The following AOX1 variants were observed in gnomAD, a reference collection of about 807,000 sequenced individuals.
AOX1 encodes aldehyde oxidase.
In AOX1, 153 loss-of-function variants were observed where a neutral mutation model predicts 169.5. The ratio of observed to expected loss-of-function variants is 0.90; its 90% confidence interval spans 0.79 to 1.03. The LOEUF (loss-of-function observed/expected upper bound fraction) is 1.03. AOX1 is among the 50% of genes least tolerant of loss of function. The probability of loss-of-function intolerance (pLI) is 0.00; values close to 1 mark genes in which losing one functional copy is unlikely to be tolerated. For synonymous variants in AOX1, 562 were observed against 581.9 expected, an observed-to-expected ratio of 0.97 and a Z score of 0.49; for missense variants, 1,656 against 1,663.9, an observed-to-expected ratio of 1.00 and a Z score of 0.08.
At chr2:200,629,661 G>A (rs1217881544) in intron 20 of AOX1, among the ~76,000 whole-genome samples, 4 of 152,170 alleles carry the variant, frequency 2.6e-5, no homozygotes, top group South Asian at 4.1e-4. Flanking sequence ...TGATTTATGG[G>A]AATGAAGAGA....
chr2:200,657,307 A>G (rs1009713099), intron 27 of AOX1, among the ~76,000 whole-genome samples: 2 of 149,974 alleles, frequency 1.3e-5, no homozygotes, highest in South Asian at 2.1e-4. Flanking sequence ...CAGTGAGCCA[A>G]TTGCACCAAT....
intron 10 of AOX1, among the ~76,000 whole-genome samples, chr2:200,608,691 C>G (rs937893992): frequency 2.6e-5 from 4 of 152,042 alleles, no homozygotes; most frequent in South Asian, 2.1e-4. Context: ...CCTTCATTAC[C>G]TCCATCAACA....
At chr2:200,612,426 T>G (rs1253228998) in intron 13 of AOX1, among the ~76,000 whole-genome samples, 183 bp from the exon 14 acceptor site, 1 of 152,156 alleles carries the variant, frequency 6.6e-6, no homozygotes, top group Non-Finnish European at 1.5e-5. Flanking sequence ...AATGTGATAC[T>G]CAACATACAC....
intron 28 of AOX1, 87 bp from the exon 29 acceptor site, chr2:200,659,908 C>T: frequency 9.8e-7 from 1 of 1,015,562 alleles, no homozygotes; most frequent in Non-Finnish European, 1.5e-6. Flanking sequence ...CTTAGATAAG[C>T]CTATGGAATG....
Position 200,623,929 on chromosome 2 carries a change from T to C in AOX1, c.2070T>C (p.Ala690=), listed in dbSNP as rs376712574. 1 of 1,614,082 alleles carries C rather than the reference T, an allele frequency of 6.2e-7. No homozygotes were observed. The highest frequency in any genetic ancestry group is 1.3e-5 in the African/African-American group (1 of 74,944). Residue 690 remains alanine (A), a synonymous_variant, in exon 19 of 35, where the codon GCT becomes GCC. Transcript: ENST00000374700. ...ADSEVQAKRA[A]KRVKIVYQDL... is the part of the protein sequence containing the mutation. ...CTGAGGTTCAGGCAAAGCGAGCTGCTAAGCGAGTGAAGATTGTCTATCAAG... is the reference window on the plus strand; with the variant it reads ...CTGAGGTTCAGGCAAAGCGAGCTGCCAAGCGAGTGAAGATTGTCTATCAAG...
At chr2:200,640,987 C>A in intron 23 of AOX1, 111 bp from the exon 24 acceptor site, 1 of 706,154 alleles carries the variant, frequency 1.4e-6, no homozygotes. Flanking sequence ...GAAATCACTG[C>A]CAAATCCAAT....
chr2:200,595,262 C>T lies in AOX1; in HGVS notation c.104-10C>T, dbSNP rs750944593. ...ATAACACATATGATCTTTAACTATA[C>T]CTCTTCCAGTTCGACTCACAGGAAC... On this transcript the variant is annotated splice_polypyrimidine_tract_variant and intron_variant, in intron 2 of 34. Coordinates refer to ENST00000374700, the MANE Select transcript of AOX1 (RefSeq NM_001159.4). 1.6e-5 allele frequency: 25 copies of T among 1,607,948 alleles called. No homozygotes were observed. In the Admixed American group the frequency reaches 3.5e-4, roughly 23 times the overall value.
Position 200,628,064 on chromosome 2 carries a change from A to G in AOX1, c.2221+615A>G, listed in dbSNP as rs557614091. On this transcript the variant is annotated intron_variant, in intron 20 of 34. Transcript: ENST00000374700. ...TGCCTCTTAGAAAATAGTTAATTAT[A>G]GCTTTCCAGTACAATTCCTTAACTT... Among the ~76,000 whole-genome samples, 53 of 152,290 alleles carry G rather than the reference A, an allele frequency of 3.5e-4. 1 individual carries two copies. Among genetic ancestry groups the G allele is most frequent in the African/African-American group, 1.2e-3 (49 of 41,548 alleles).
At chr2:200,647,030 A>G (rs367840252) in intron 25 of AOX1, among the ~76,000 whole-genome samples, 2 of 152,288 alleles carry the variant, frequency 1.3e-5, no homozygotes, top group African/African-American at 2.4e-5. Context: ...GTGGTTCTGT[A>G]TCTTTTAAGT....
chr2:200,638,944 G>C (rs866157505), intron 23 of AOX1, among the ~76,000 whole-genome samples: 1 of 152,128 alleles, frequency 6.6e-6, no homozygotes, highest in African/African-American at 2.4e-5. Context: ...GGAGGATTCT[G>C]CTTTATAAAA....
Position 200,604,050 on chromosome 2 carries a change from C to T in AOX1, c.622C>T (p.Leu208=), listed in dbSNP as rs1448001341. The T allele has an allele frequency of 1.9e-6, 3 of 1,613,644 alleles. No homozygotes were observed. ...SPKLFAEEEF[L]PLDPTQELIF... The stretch of plus-strand genomic sequence containing the variant: ...AAAACTCTTCGCAGAAGAGGAGTTT[C>T]TGCCATTGGATCCAACCCAGGAACT... The change falls in exon 8 of 35, where the codon CTG becomes TTG. Residue 208 remains leucine, a synonymous_variant. Coordinates refer to ENST00000374700, the MANE Select transcript of AOX1 (RefSeq NM_001159.4).
At chr2:200,624,111 C>T in intron 19 of AOX1, 128 bp downstream of exon 19, 13 of 1,100,578 alleles carry the variant, frequency 1.2e-5, no homozygotes, top group Non-Finnish European at 1.7e-5. Context: ...CTTTATTAAC[C>T]TCTAACCAGT....
In AOX1 at chr2:200,671,410, T is replaced by C. The variant is rs2036027370; in HGVS notation, c.*731T>C. The C allele has an allele frequency of 1.3e-5, 2 of 152,236 alleles. No homozygotes were observed. Among genetic ancestry groups the C allele is most frequent in the African/African-American group, 4.8e-5 (2 of 41,464 alleles). The allele number at this position is 152,236 out of a possible 1,614,324, so 9.4% of individuals were successfully genotyped here. A position where few individuals can be genotyped will look rare whatever the true frequency, so the allele number is the denominator to read the frequency against. On this transcript the variant is annotated 3_prime_UTR_variant, in exon 35 of 35. Transcript: ENST00000374700. ...TTTTTAGTTTTTACCCTAACTACTC[T>C]GACTTGATCATTTAACATTCTGTGT...
At chr2:200,593,346 A>G (rs990702558) in intron 2 of AOX1, 143 bp downstream of exon 2, 1 of 714,346 alleles carries the variant, frequency 1.4e-6, no homozygotes, top group Non-Finnish European at 2.3e-6. Context: ...TATTTGAGAA[A>G]GTCCTATCAT....
chr2:200,650,297 A>G (rs2035555625), intron 25 of AOX1, among the ~76,000 whole-genome samples: 1 of 152,150 alleles, frequency 6.6e-6, no homozygotes, highest in East Asian at 1.9e-4. Context: ...TTCTCTTACA[A>G]TGATCTGATA....
intron 25 of AOX1, among the ~76,000 whole-genome samples, chr2:200,646,144 T>C (rs1181555834): frequency 1.3e-5 from 2 of 152,192 alleles, no homozygotes; most frequent in African/African-American, 4.8e-5. Flanking sequence ...CCTTGAGGTG[T>C]GACCTTAGAA....
chr2:200,659,741 T>TAAGTCTTGACTTAATAAAAGTCTTAA (rs1214390395), intron 28 of AOX1, among the ~76,000 whole-genome samples: 1 of 151,802 alleles, frequency 6.6e-6, no homozygotes, highest in African/African-American at 2.4e-5. Flanking sequence ...GGTTTTTTAT[T>TAAGTCTTGACTTAATAAAAGTCTTAA]AAGTCTTGAC....
At chr2:200,643,994 T>G (rs2035405161) in intron 25 of AOX1, among the ~76,000 whole-genome samples, 1 of 152,336 alleles carries the variant, frequency 6.6e-6, no homozygotes, top group Middle Eastern at 3.4e-3. Flanking sequence ...GAGGATTTTC[T>G]CCCACTCTGT....
intron 5 of AOX1, among the ~76,000 whole-genome samples, chr2:200,600,725 C>A (rs1393811992): frequency 1.3e-5 from 2 of 152,100 alleles, no homozygotes; most frequent in Non-Finnish European, 2.9e-5. Flanking sequence ...CTGTCTTCTG[C>A]CTGATTTCCT....
Sources: allele counts gnomAD v4.1 joint callset (sites outside exome capture counted in the v4.1 genomes callset), GRCh38; gene constraint gnomAD v4.1.1; transcripts MANE v1.5; gene names NCBI Gene and HGNC (gene_info 2026-07-23, HGNC 2026-07-21).